Variants in SLC5A8 observed in about 807,000 individuals in gnomAD.
SLC5A8 encodes the protein sodium-coupled monocarboxylate transporter 1.
In SLC5A8, 55 loss-of-function variants were observed where a neutral mutation model predicts 71.9. The observed-to-expected ratio is 0.77, with a 90% CI of 0.62 to 0.96. The LOEUF is 0.96. Ranked by LOEUF, SLC5A8 falls within the 40% of genes least tolerant of loss-of-function variation. The probability of loss-of-function intolerance (pLI) is 0.00; values close to 1 mark genes in which losing one functional copy is unlikely to be tolerated. For missense variants in SLC5A8, 701 were observed against 745.3 expected (o/e 0.94, Z 0.69); for synonymous variants, 307 against 276.1 (o/e 1.11, Z -1.11).
At chr12:101,164,827 C>G (rs1373136857) in intron 12 of SLC5A8, among the ~76,000 whole-genome samples, 2 of 152,284 alleles carry the variant, frequency 1.3e-5, no homozygotes, top group African/African-American at 4.8e-5. Context: ...TCCAATTTCC[C>G]TTCTGGTCAT....
chr12:101,157,846 T>C (rs946627994), intron 14 of SLC5A8, among the ~76,000 whole-genome samples: 5 of 151,768 alleles, frequency 3.3e-5, no homozygotes, highest in African/African-American at 1.2e-4. Flanking sequence ...TAGAGGGATA[T>C]ACAACAGATA....
intron 5 of SLC5A8, among the ~76,000 whole-genome samples, chr12:101,191,123 T>C (rs1868888548): frequency 2.6e-5 from 4 of 152,234 alleles, no homozygotes; most frequent in African/African-American, 9.6e-5. Context: ...GTTTCAAGTT[T>C]TGCATTTTCT....
chr12:101,167,065 G>C (rs116105061), intron 11 of SLC5A8, among the ~76,000 whole-genome samples: 2,642 of 152,086 alleles, frequency 0.017, 89 homozygotes, highest in African/African-American at 0.061. Context: ...AAAAGGACAT[G>C]TTAGCTTAGT....
chr12:101,161,256 T>C (rs1213210197), intron 13 of SLC5A8, among the ~76,000 whole-genome samples: 17 of 152,150 alleles, frequency 1.1e-4, no homozygotes, highest in Non-Finnish European at 2.4e-4. Flanking sequence ...GAATATGCTA[T>C]AGGATGTGTT....
rs1202788754 is a variant in SLC5A8, at chr12:101,209,516, T to C, written c.333A>G (p.Gly111=). The C allele has an allele frequency of 1.2e-6, 2 of 1,608,748 alleles. No homozygotes were observed. Among genetic ancestry groups the C allele is most frequent in the East Asian group, 4.5e-5 (2 of 44,710 alleles). ...CCCTTACCTCGTAGGTGCTGGTAAT[T>C]CCCAGTTTGTAGAACACCGGGAGGA... is the stretch of plus-strand genomic sequence containing the variant. ...EVFLPVFYKL[G]ITSTYEYLEL... The change falls in exon 1 of 15, where the codon GGA becomes GGG. Residue 111 remains glycine, a synonymous_variant. Transcript: ENST00000536262.
chr12:101,207,324 G>A (rs1360970482), intron 1 of SLC5A8, among the ~76,000 whole-genome samples: 1 of 152,184 alleles, frequency 6.6e-6, no homozygotes, highest in East Asian at 1.9e-4. Flanking sequence ...CACATTCCTA[G>A]TAGCTTAACT....
At chr12:101,165,351 A>C (rs1346250690) in intron 12 of SLC5A8, among the ~76,000 whole-genome samples, 1 of 152,318 alleles carries the variant, frequency 6.6e-6, no homozygotes, top group East Asian at 1.9e-4. Context: ...AACGCTAAGC[A>C]AAATCATAAA....
chr12:101,189,980 C>A (rs1255827174), intron 6 of SLC5A8, among the ~76,000 whole-genome samples: 3 of 152,152 alleles, frequency 2.0e-5, no homozygotes, highest in African/African-American at 7.2e-5. Flanking sequence ...GCAGAATGTG[C>A]CCAGGATCAC....
intron 7 of SLC5A8, among the ~76,000 whole-genome samples, chr12:101,184,903 C>T (rs1244755988): frequency 6.6e-6 from 1 of 152,214 alleles, no homozygotes; most frequent in African/African-American, 2.4e-5. Flanking sequence ...AAGTGTGTGA[C>T]TTCAGGACTC....
intron 10 of SLC5A8, 51 bp downstream of exon 10, chr12:101,179,978 G>T (rs766183073): frequency 6.3e-7 from 1 of 1,592,604 alleles, no homozygotes; most frequent in South Asian, 1.1e-5. Flanking sequence ...CATCAACATT[G>T]AAAAAAGATT....
chr12:101,177,931 T>C (rs1000501291), intron 10 of SLC5A8, among the ~76,000 whole-genome samples: 2 of 151,800 alleles, frequency 1.3e-5, no homozygotes, highest in African/African-American at 4.8e-5. Context: ...AGGAAAGAAA[T>C]AAAACTGCCC....
chr12:101,181,936 T>C (rs540076683), intron 9 of SLC5A8, among the ~76,000 whole-genome samples: 4 of 152,308 alleles, frequency 2.6e-5, no homozygotes, highest in African/African-American at 9.6e-5. Context: ...TAATTTACTA[T>C]TTCTTTGACA....
chr12:101,185,211 CA>C (rs1868577569), intron 7 of SLC5A8, among the ~76,000 whole-genome samples: 1 of 152,198 alleles, frequency 6.6e-6, no homozygotes. Context: ...AAAGCTTACT[CA>C]ATCTTTATTC....
chr12:101,157,577 T>C (rs1191436888), intron 14 of SLC5A8, among the ~76,000 whole-genome samples, 176 bp from the exon 15 acceptor site: 1 of 152,056 alleles, frequency 6.6e-6, no homozygotes, highest in Non-Finnish European at 1.5e-5. Flanking sequence ...ATTCAACAGA[T>C]ACAGGTTATC....
intron 13 of SLC5A8, 51 bp from the exon 14 acceptor site, chr12:101,158,379 C>G (rs2137118069): frequency 8.6e-7 from 1 of 1,161,546 alleles, no homozygotes; most frequent in East Asian, 2.4e-5. Flanking sequence ...ACACCAGTAA[C>G]TACACAGAGA....
intron 11 of SLC5A8, 127 bp from the exon 12 acceptor site, chr12:101,166,826 C>G (rs937103898): frequency 1.3e-6 from 1 of 758,894 alleles, no homozygotes; most frequent in African/African-American, 1.8e-5. Flanking sequence ...ACATTCAACG[C>G]TCTCTCCTCC....
chr12:101,204,232 A>T lies in SLC5A8; in HGVS notation c.417+268T>A, dbSNP rs141751904. Reference sequence around the variant, plus strand: ...GGTGGAGGTGAAGGGAGGTCAGATAAAGGGAAGCATATTTTCCGACTGTTG... The same window carrying T: ...GGTGGAGGTGAAGGGAGGTCAGATATAGGGAAGCATATTTTCCGACTGTTG... On this transcript the variant is annotated intron_variant, in intron 2 of 14. Transcript: ENST00000536262. Among the ~76,000 whole-genome samples the T allele has an allele frequency of 1.2e-3, 184 of 152,346 alleles. 3 individuals carry two copies. The highest frequency in any genetic ancestry group is 1.2e-4 in the Non-Finnish European group (8 of 68,032).
chr12:101,163,238 A>G (rs2051739413), intron 12 of SLC5A8, among the ~76,000 whole-genome samples: 1 of 152,240 alleles, frequency 6.6e-6, no homozygotes, highest in Non-Finnish European at 1.5e-5. Flanking sequence ...TGAACATTCT[A>G]TGATCATTTC....
At chr12:101,184,836 C>G (rs528983314) in intron 7 of SLC5A8, among the ~76,000 whole-genome samples, 1 of 152,302 alleles carries the variant, frequency 6.6e-6, no homozygotes, top group Non-Finnish European at 1.5e-5. Context: ...CTTCCTGATA[C>G]TAACTTGCTT....
Sources: gnomAD v4.1 joint callset for allele counts (sites outside exome capture counted in the v4.1 genomes callset) on GRCh38, gnomAD v4.1.1 for gene constraint, MANE v1.5 for transcripts, NCBI Gene and HGNC (gene_info 2026-07-23, HGNC 2026-07-21) for gene names.